TBC1D16: variants seen among roughly 807,000 people sequenced by gnomAD.
The protein encoded by TBC1D16 is TBC1 domain family member 16, also known as CTD-2529O21.1.
In TBC1D16, 58 loss-of-function variants were observed where a neutral mutation model predicts 74.7. The ratio of observed to expected loss-of-function variants is 0.78; its 90% CI spans 0.63 to 0.97. The LOEUF (loss-of-function observed/expected upper bound fraction) is 0.97. TBC1D16 is among the 50% of genes least tolerant of loss of function. The pLI is 0.00. For missense variants in TBC1D16, 1,014 were observed against 1,079.5 expected, an observed-to-expected ratio of 0.94 and a Z score of 0.85; for synonymous variants, 493 against 474.7, an observed-to-expected ratio of 1.04 and a Z score of -0.50.
At position 79,954,670 on chromosome 17, in the gene TBC1D16, G is replaced by A. The variant is rs1278943389; in HGVS notation, c.780-1852C>T. 4.6e-5 allele frequency among the ~76,000 whole-genome samples: 7 copies of A among 152,118 alleles called. No individual in the cohort carries two copies. Among genetic ancestry groups the A allele is most frequent in the African/African-American group, 1.4e-4 (6 of 41,432 alleles). On this transcript the variant is annotated intron_variant, in intron 3 of 11. Coordinates refer to ENST00000310924, the MANE Select transcript of TBC1D16 (RefSeq NM_019020.4). The surrounding 1 kb of genome is among the most constrained non-coding windows in gnomAD (Gnocchi z 5.5). ...CAGGTCTCGAGTCTGAGGCCCCACCGCACCCATGGGTGCCCCCTTCTGTCA... is the reference window on the plus strand; with the variant it reads ...CAGGTCTCGAGTCTGAGGCCCCACCACACCCATGGGTGCCCCCTTCTGTCA...
chr17:79,955,203 TA>T (rs1163922114), intron 3 of TBC1D16, among the ~76,000 whole-genome samples: 1 of 152,140 alleles, frequency 6.6e-6, no homozygotes, highest in Non-Finnish European at 1.5e-5. Context: ...TGGGGTTCCA[TA>T]AGCTCAAACT....
Position 79,986,701 on chromosome 17 carries a change from C to T in TBC1D16, c.779+23459G>A, listed in dbSNP as rs2034849529. ...GCCACCATGGTGGGTGAACGGGCTT[C>T]CTCTCGGAAACCAACATCCTGGTTG... On this transcript the variant is annotated intron_variant, in intron 3 of 11. Transcript: ENST00000310924. This position sits in a 1 kb window ranked among gnomAD's most constrained non-coding sequence, Gnocchi z 6.0. 6.6e-6 allele frequency among the ~76,000 whole-genome samples: 1 copy of T among 152,100 alleles called. No homozygotes were observed. The highest frequency in any genetic ancestry group is 6.5e-5 in the Admixed American group (1 of 15,278).
chr17:79,986,113 T>G lies in TBC1D16; in HGVS notation c.779+24047A>C, dbSNP rs1357498344. 6.6e-6 allele frequency among the ~76,000 whole-genome samples: 1 copy of G among 152,214 alleles called. No homozygotes were observed. Among genetic ancestry groups the G allele is most frequent in the African/African-American group, 2.4e-5 (1 of 41,444 alleles). On this transcript the variant is annotated intron_variant, in intron 3 of 11. Coordinates refer to ENST00000310924, the MANE Select transcript of TBC1D16 (RefSeq NM_019020.4). This position sits in a 1 kb window ranked among gnomAD's most constrained non-coding sequence, Gnocchi z 6.0. ...ATCTGCCATCCCTCAAACGGAGAGA[T>G]AATCAGGAAATAAAAGCTTTTGATT...
In TBC1D16 at chr17:79,936,915, T is replaced by TGC. The variant is rs141061869; in HGVS notation, c.*3943_*3944insGC. 0.2 allele frequency: 29,012 copies of TGC among 143,114 alleles called. 3,333 individuals are homozygous for TGC. The highest frequency in any genetic ancestry group is 0.28 in the Admixed American group (4,039 of 14,586). 8.9% of individuals were successfully genotyped at this position (143,114 alleles called of 1,614,324 possible). Reference sequence around the variant, plus strand: ...GCGTGCGTGTGTGCATGTGCGTGTGTGTGTGTGTGTGTGTGTGTGTGTGTG... The same window carrying TGC: ...GCGTGCGTGTGTGCATGTGCGTGTGTGCGTGTGTGTGTGTGTGTGTGTGTGTG... On this transcript the variant is annotated 3_prime_UTR_variant, in exon 12 of 12. Coordinates refer to ENST00000310924, the MANE Select transcript of TBC1D16 (RefSeq NM_019020.4).
intron 9 of TBC1D16, 37 bp downstream of exon 9, chr17:79,947,608 A>G (rs1263986092): frequency 6.2e-7 from 1 of 1,605,218 alleles, no homozygotes; most frequent in African/African-American, 1.3e-5. Context: ...ACGGGCCCTC[A>G]CATGCCCTTG....
rs2034657661 is a variant in TBC1D16 at position 79,983,163 on chromosome 17, A to G, written c.779+26997T>C. On this transcript the variant is annotated intron_variant, in intron 3 of 11. Coordinates refer to ENST00000310924, the MANE Select transcript of TBC1D16 (RefSeq NM_019020.4). The surrounding 1 kb of genome is among the most constrained non-coding windows in gnomAD (Gnocchi z 5.6). ...GTGAAATGCTACGTCCCTCACCAAC[A>G]GGCCGCTGTGCAGGCGTGAAACCCA... Among the ~76,000 whole-genome samples the G allele has an allele frequency of 6.6e-6, 1 of 152,198 alleles. No individual in the cohort carries two copies. The highest frequency in any genetic ancestry group is 6.5e-5 in the Admixed American group (1 of 15,286).
Position 79,980,395 on chromosome 17 carries a change from G to A in TBC1D16, c.780-27577C>T, listed in dbSNP as rs1369954991. Among the ~76,000 whole-genome samples the A allele has an allele frequency of 6.6e-6, 1 of 152,154 alleles. No homozygotes were observed. The highest frequency in any genetic ancestry group is 2.4e-5 in the African/African-American group (1 of 41,426). ...AAGCCGGAGCTTTCCTTCCTTCCCG[G>A]AGGAACAAGACACTAAGAAGAGGTT... On this transcript the variant is annotated intron_variant, in intron 3 of 11. Transcript: ENST00000310924. The surrounding 1 kb of genome is among the most constrained non-coding windows in gnomAD (Gnocchi z 7.0).
chr17:79,974,071 G>C (rs1301732155), intron 3 of TBC1D16, among the ~76,000 whole-genome samples: 1 of 152,184 alleles, frequency 6.6e-6, no homozygotes, highest in African/African-American at 2.4e-5. Flanking sequence ...CCATTATTCA[G>C]TCAAATAAAG....
intron 1 of TBC1D16, among the ~76,000 whole-genome samples, chr17:80,021,314 A>T (rs1226418588): frequency 6.7e-6 from 1 of 149,450 alleles, no homozygotes; most frequent in Non-Finnish European, 1.5e-5. Flanking sequence ...CTTCTAAAAA[A>T]TTAGCTGGGG....
At chr17:80,032,081 G>GAACT (rs1268178361) in intron 1 of TBC1D16, among the ~76,000 whole-genome samples, 6 of 152,242 alleles carry the variant, frequency 3.9e-5, no homozygotes, top group Non-Finnish European at 2.9e-5. Flanking sequence ...GAGTAATGAT[G>GAACT]AACTATATTG....
rs2035022864 is a variant in TBC1D16, at chr17:79,990,642, C to T, written c.779+19518G>A. On this transcript the variant is annotated intron_variant, in intron 3 of 11. Transcript: ENST00000310924. The surrounding 1 kb of genome is among the most constrained non-coding windows in gnomAD (Gnocchi z 4.8). ...ACCTTAACCGTTTTCAACGTCGAGC[C>T]CAGTGGCATTATACCATTCCTATTT... 2.6e-5 allele frequency among the ~76,000 whole-genome samples: 4 copies of T among 152,192 alleles called. No individual in the cohort carries two copies. The highest frequency in any genetic ancestry group is 2.6e-4 in the Admixed American group (4 of 15,286).
At chr17:80,034,634 C>T (rs1445098151) in intron 1 of TBC1D16, among the ~76,000 whole-genome samples, 1 of 152,206 alleles carries the variant, frequency 6.6e-6, no homozygotes, top group Non-Finnish European at 1.5e-5. Context: ...GTAGTTAATA[C>T]CAAAAGTTAC....
In TBC1D16 at chr17:79,971,608, A is replaced by G. The variant is rs1401288538; in HGVS notation, c.780-18790T>C. On this transcript the variant is annotated intron_variant, in intron 3 of 11. Coordinates refer to ENST00000310924, the MANE Select transcript of TBC1D16 (RefSeq NM_019020.4). This position sits in a 1 kb window ranked among gnomAD's most constrained non-coding sequence, Gnocchi z 4.6. ...ATGGCTCAGGGGCAATTAGAAAAGA[A>G]GAGTCTTTAACGTATTCTTCAACTT... Among the ~76,000 whole-genome samples, 1 of 152,214 alleles carries G rather than the reference A, an allele frequency of 6.6e-6. No homozygotes were observed. The highest frequency in any genetic ancestry group is 2.4e-5 in the African/African-American group (1 of 41,454).
intron 5 of TBC1D16, among the ~76,000 whole-genome samples, chr17:79,951,200 G>A (rs1255177872): frequency 6.6e-6 from 1 of 152,226 alleles, no homozygotes; most frequent in Non-Finnish European, 1.5e-5. Flanking sequence ...TACGTAGATT[G>A]AGCAAAATAT....
Position 79,952,507 on chromosome 17 carries a change from G to C in TBC1D16, c.941+150C>G, listed in dbSNP as rs1334091813. On this transcript the variant is annotated intron_variant, in intron 4 of 11. Transcript: ENST00000310924. ...TGCAGTGGGGAATCACTGCCCACAA[G>C]ATCAGCGAGGGAGGAAAGCAGACGC... The C allele has an allele frequency of 2.9e-5, 29 of 1,012,976 alleles. No homozygotes were observed. The Admixed American group carries it at 8.4e-4, about 29-fold the overall frequency. The allele number at this position is 1,012,976 out of a possible 1,614,324, so 62.7% of individuals were successfully genotyped here.
intron 4 of TBC1D16, chr17:79,951,908 G>A (rs1432182462): frequency 7.7e-6 from 2 of 260,912 alleles, no homozygotes; most frequent in Non-Finnish European, 1.5e-5. Context: ...GGAGACCTGG[G>A]TCCCAACGCT....
At chr17:80,017,571 C>G (rs779729864) in intron 1 of TBC1D16, among the ~76,000 whole-genome samples, 5 of 150,268 alleles carry the variant, frequency 3.3e-5, no homozygotes, top group Admixed American at 6.7e-5. Flanking sequence ...ATCCCAGCTA[C>G]TCGGGAGGCT....
rs2032904333 is a variant in TBC1D16, at chr17:79,949,884, G to A, written c.1258-19C>T. The A allele has an allele frequency of 6.2e-7, 1 of 1,608,990 alleles. No homozygotes were observed. Among genetic ancestry groups the A allele is most frequent in the Non-Finnish European group, 8.5e-7 (1 of 1,176,280 alleles). On this transcript the variant is annotated intron_variant, in intron 6 of 11. Coordinates refer to ENST00000310924, the MANE Select transcript of TBC1D16 (RefSeq NM_019020.4). ...AAATGGCCTGGAGGAAGCGGCAAAAGTTGGGGAGGGGATAAAATGGGGCAG... is the reference window on the plus strand; with the variant it reads ...AAATGGCCTGGAGGAAGCGGCAAAAATTGGGGAGGGGATAAAATGGGGCAG...
intron 1 of TBC1D16, among the ~76,000 whole-genome samples, chr17:80,015,490 T>C (rs2036055607): frequency 6.6e-6 from 1 of 152,044 alleles, no homozygotes; most frequent in Non-Finnish European, 1.5e-5. Context: ...CGCTGCATCC[T>C]GATCACTGAT....
Sources: gnomAD v4.1 joint callset for allele counts (sites outside exome capture counted in the v4.1 genomes callset) on GRCh38, gnomAD v4.1.1 for gene constraint, Gnocchi (gnomAD v3.1) non-coding constraint, MANE v1.5 for transcripts, NCBI Gene and HGNC (gene_info 2026-07-23, HGNC 2026-07-21) for gene names.